HDAC9: variants seen among roughly 807,000 people sequenced by gnomAD.
HDAC9 encodes the protein MEF-2 interacting transcription repressor (MITR) protein.
HDAC9 carries 41 observed loss-of-function variants against 139.4 expected under a neutral mutation model. The ratio of observed to expected loss-of-function variants is 0.29; its 90% confidence interval spans 0.23 to 0.38. The LOEUF (loss-of-function observed/expected upper bound fraction) is 0.38, where lower values mean the gene tolerates loss of function less well. Ranked by LOEUF, HDAC9 falls within the 10% of genes least tolerant of loss-of-function variation. HDAC9 has a pLI of 1.00. For synonymous variants in HDAC9, 517 were observed against 476.2 expected, an observed-to-expected ratio of 1.09 and a Z score of -1.12; for missense variants, 1,147 against 1,297.0, an observed-to-expected ratio of 0.88 and a Z score of 1.78.
At chr7:18,361,205 TTGTC>T (rs1783749476) in intron 1 of HDAC9, among the ~76,000 whole-genome samples, 3 of 152,304 alleles carry the variant, frequency 2.0e-5, no homozygotes, top group South Asian at 2.1e-4. Flanking sequence ...ATGTATTCCT[TTGTC>T]TGATCAAACC....
chr7:18,705,353 T>C (rs576903487), intron 12 of HDAC9, among the ~76,000 whole-genome samples: 2 of 152,226 alleles, frequency 1.3e-5, no homozygotes, highest in African/African-American at 4.8e-5. Flanking sequence ...ATTGAGATAA[T>C]GAGAAATGTC....
chr7:18,224,143 G>A (rs1008365356), intron 2 of HDAC9, among the ~76,000 whole-genome samples: 3 of 152,168 alleles, frequency 2.0e-5, no homozygotes, highest in African/African-American at 7.2e-5. Flanking sequence ...ACGTATGACT[G>A]CATACCATTT....
At chr7:18,584,083 C>T (rs146172486) in intron 2 of HDAC9, among the ~76,000 whole-genome samples, 2 of 151,570 alleles carry the variant, frequency 1.3e-5, no homozygotes, top group East Asian at 3.9e-4. Flanking sequence ...AATGGTACAC[C>T]TGGATATCCT....
Position 18,829,216 on chromosome 7 carries a change from T to C in HDAC9, c.2378T>C (p.Met793Thr). 1 of 1,609,654 alleles carries C rather than the reference T, an allele frequency of 6.2e-7. No individual in the cohort carries two copies. The highest frequency in any genetic ancestry group is 8.5e-7 in the Non-Finnish European group (1 of 1,175,900). The change falls in exon 18 of 26, where the codon ATG becomes ACG. Residue 793 changes from methionine (M) to threonine (T), a missense_variant and splice_region_variant. Transcript: ENST00000686413. ...CATCACGCTGAAGAATCCACAGCCA[T>C]GTAAGTACCAGGGACTGTTGCCCAT... ...PGHHAEESTA[M>T]GFCFFNSVAI...
At chr7:18,375,774 C>T (rs952088357) in intron 1 of HDAC9, among the ~76,000 whole-genome samples, 2 of 152,178 alleles carry the variant, frequency 1.3e-5, no homozygotes, top group Non-Finnish European at 2.9e-5. Flanking sequence ...AGGACTGAAT[C>T]CTAGCTGGCC....
chr7:18,270,616 T>G (rs1450591612), intron 2 of HDAC9, among the ~76,000 whole-genome samples: 1 of 152,192 alleles, frequency 6.6e-6, no homozygotes, highest in Non-Finnish European at 1.5e-5. Context: ...AATCATCTGT[T>G]TTTAATATGT....
intron 1 of HDAC9, among the ~76,000 whole-genome samples, chr7:18,325,998 T>G (rs1198048311): frequency 6.6e-6 from 1 of 152,110 alleles, no homozygotes; most frequent in African/African-American, 2.4e-5. Flanking sequence ...TCTCTGTTGT[T>G]AAGCCACACA....
chr7:18,168,756 C>G (rs757107719), intron 2 of HDAC9, among the ~76,000 whole-genome samples: 1 of 151,898 alleles, frequency 6.6e-6, no homozygotes, highest in African/African-American at 2.4e-5. Flanking sequence ...AGAATGTCAA[C>G]GTATAGCAGT....
intron 1 of HDAC9, among the ~76,000 whole-genome samples, chr7:18,108,062 TC>T (rs920326766): frequency 6.6e-6 from 1 of 152,196 alleles, no homozygotes; most frequent in African/African-American, 2.4e-5. Flanking sequence ...TTTAATTCTT[TC>T]GGGGGACCTG....
intron 1 of HDAC9, among the ~76,000 whole-genome samples, chr7:18,108,056 A>G (rs1783344973): frequency 6.6e-6 from 1 of 152,162 alleles, no homozygotes; most frequent in South Asian, 2.1e-4. Flanking sequence ...TGAAATTTTA[A>G]TTCTTTCGGG....
intron 2 of HDAC9, among the ~76,000 whole-genome samples, chr7:18,577,036 A>G (rs1186138162): frequency 6.6e-6 from 1 of 152,204 alleles, no homozygotes; most frequent in African/African-American, 2.4e-5. Context: ...CCTTTATTCT[A>G]CTTTAAATCA....
intron 14 of HDAC9, among the ~76,000 whole-genome samples, chr7:18,759,657 A>G (rs1228391986): frequency 6.6e-6 from 1 of 152,144 alleles, no homozygotes; most frequent in Non-Finnish European, 1.5e-5. Context: ...CATCTCCTCC[A>G]CTTTTTTTGT....
At chr7:18,127,125 A>G (rs1784721090) in intron 1 of HDAC9, 1 of 167,596 alleles carries the variant, frequency 6.0e-6, no homozygotes, top group African/African-American at 2.4e-5. Flanking sequence ...ATGAATCAAT[A>G]TTAGTGTGAC....
intron 1 of HDAC9, among the ~76,000 whole-genome samples, chr7:18,466,755 G>A (rs1193683993): frequency 2.0e-5 from 3 of 152,228 alleles, no homozygotes; most frequent in Non-Finnish European, 2.9e-5. Context: ...CACATTCAAC[G>A]AAGTAAGACT....
At position 18,458,861 on chromosome 7, in the gene HDAC9, A is replaced by G; in HGVS notation, c.-41-37401A>G. 1 of 1,534,778 alleles carries G rather than the reference A, an allele frequency of 6.5e-7. No homozygotes were observed. Among genetic ancestry groups the G allele is most frequent in the Non-Finnish European group, 8.7e-7 (1 of 1,146,192 alleles). On this transcript the variant is annotated intron_variant, in intron 1 of 3. Transcript: ENST00000413509. ...CCACAGACCTCATGTGGAACCTTGT[A>G]CCATGGGTGCTATTCTGTGGCTGCT...
At chr7:18,352,029 A>C (rs1782888718) in intron 1 of HDAC9, among the ~76,000 whole-genome samples, 1 of 152,220 alleles carries the variant, frequency 6.6e-6, no homozygotes, top group Non-Finnish European at 1.5e-5. Flanking sequence ...AAAAAATTCA[A>C]AATGAGTTTA....
rs541401789 is a variant in HDAC9, at chr7:18,540,131, G to C, written c.22+43807G>C. ...AAAAAAAAAAAAAAAAAAATAGCCA[G>C]GAATTGTGGTGGGTGCCTGTAATCC... On this transcript the variant is annotated intron_variant, in intron 2 of 25. Transcript: ENST00000686413. Among the ~76,000 whole-genome samples, 863 of 149,868 alleles carry C rather than the reference G, an allele frequency of 5.8e-3. 10 individuals carry two copies. The highest frequency in any genetic ancestry group is 0.02 in the African/African-American group (813 of 40,704).
chr7:18,995,316 C>A (rs1786375249), intron 25 of HDAC9, among the ~76,000 whole-genome samples: 1 of 152,156 alleles, frequency 6.6e-6, no homozygotes, highest in Non-Finnish European at 1.5e-5. Flanking sequence ...ACAATTTATT[C>A]TTTTGAGTAA....
chr7:18,977,575 G>C (rs186326031), intron 25 of HDAC9, among the ~76,000 whole-genome samples: 91 of 152,254 alleles, frequency 6.0e-4, no homozygotes, highest in Non-Finnish European at 7.6e-4. Flanking sequence ...TAAATAGTGT[G>C]CTTGACTCAT....
Sources: allele counts gnomAD v4.1 joint callset (sites outside exome capture counted in the v4.1 genomes callset), GRCh38; gene constraint gnomAD v4.1.1; transcripts MANE v1.5; gene names NCBI Gene and HGNC (gene_info 2026-07-23, HGNC 2026-07-21).